KCNMA1: variants seen among roughly 807,000 people sequenced by gnomAD.
KCNMA1 encodes the protein Calcium-activated potassium channel subunit alpha-1.
Under a neutral mutation model 140.0 loss-of-function variants are expected in KCNMA1, and 29 were observed. The ratio of observed to expected loss-of-function variants is 0.21; its 90% CI spans 0.15 to 0.28. The LOEUF (loss-of-function observed/expected upper bound fraction) is 0.28, where lower values mean the gene tolerates loss of function less well. Ranked by LOEUF, KCNMA1 falls within the 10% of genes least tolerant of loss-of-function variation. KCNMA1 has a pLI of 1.00. For missense variants in KCNMA1, 880 were observed against 1,602.2 expected (o/e 0.55, Z 7.70); for synonymous variants, 612 against 611.9 (o/e 1.00, Z 0.00).
chr10:77,523,203 G>GC (rs10623337), intron 1 of KCNMA1, among the ~76,000 whole-genome samples: 26,763 of 142,350 alleles, frequency 0.19, 3,713 homozygotes, highest in African/African-American at 0.39. Flanking sequence ...CCTTGGACGT[G>GC]CCCCCCCCCC....
At chr10:76,959,323 C>G (rs1212724481) in intron 20 of KCNMA1, among the ~76,000 whole-genome samples, 1 of 152,198 alleles carries the variant, frequency 6.6e-6, no homozygotes, top group Non-Finnish European at 1.5e-5. Context: ...GGCAGGAAAC[C>G]ACCTATTTCC....
At chr10:77,500,398 A>G (rs1219600932) in intron 1 of KCNMA1, among the ~76,000 whole-genome samples, 1 of 152,170 alleles carries the variant, frequency 6.6e-6, no homozygotes, top group Non-Finnish European at 1.5e-5. Context: ...CTGTAATCCC[A>G]CTGCTTTGGG....
chr10:77,038,515 G>A lies in KCNMA1; in HGVS notation c.1859+1013C>T, dbSNP rs546602711. Among the ~76,000 whole-genome samples the A allele has an allele frequency of 1.0e-3, 155 of 152,178 alleles. 4 individuals carry two copies. In the South Asian group the frequency reaches 0.03, roughly 30 times the overall value. Reference sequence around the variant, plus strand: ...TGTTTTCAGAGGGCACAAAGACCCCGTTCATCTTAAACTCAACATCTGAGA... The same window carrying A: ...TGTTTTCAGAGGGCACAAAGACCCCATTCATCTTAAACTCAACATCTGAGA... On this transcript the variant is annotated intron_variant, in intron 15 of 27. Transcript: ENST00000286628.
At chr10:77,251,466 G>A (rs1164504976) in intron 2 of KCNMA1, among the ~76,000 whole-genome samples, 2 of 152,122 alleles carry the variant, frequency 1.3e-5, no homozygotes, top group Non-Finnish European at 2.9e-5. Context: ...CTTGCCAATA[G>A]GGGTCAGGGT....
chr10:77,459,819 G>A (rs982394961), intron 1 of KCNMA1, among the ~76,000 whole-genome samples: 7 of 152,178 alleles, frequency 4.6e-5, no homozygotes, highest in African/African-American at 9.7e-5. Context: ...TCCTCACTGC[G>A]TGGCCTTAGG....
chr10:77,505,085 G>C (rs1305924508), intron 1 of KCNMA1, among the ~76,000 whole-genome samples: 1 of 152,150 alleles, frequency 6.6e-6, no homozygotes, highest in African/African-American at 2.4e-5. Context: ...GCTGGCGGCT[G>C]AGTCAGCAGC....
At chr10:76,925,800 A>G (rs772480489) in intron 23 of KCNMA1, among the ~76,000 whole-genome samples, 11 of 152,186 alleles carry the variant, frequency 7.2e-5, no homozygotes, top group Non-Finnish European at 2.9e-5. Context: ...CTCCAAAATC[A>G]CGAGCAAAGT....
chr10:77,033,430 C>T (rs906589549), intron 15 of KCNMA1, among the ~76,000 whole-genome samples: 1 of 151,632 alleles, frequency 6.6e-6, no homozygotes, highest in Non-Finnish European at 1.5e-5. Flanking sequence ...TTATTCTCTC[C>T]TTCTCTCTCT....
At chr10:77,525,216 C>G (rs1171288250) in intron 1 of KCNMA1, among the ~76,000 whole-genome samples, 1 of 152,094 alleles carries the variant, frequency 6.6e-6, no homozygotes, top group Non-Finnish European at 1.5e-5. Flanking sequence ...CAGTTGTGTT[C>G]TAGACACTGT....
chr10:77,303,116 G>T (rs1355696737), intron 2 of KCNMA1, among the ~76,000 whole-genome samples: 2 of 152,140 alleles, frequency 1.3e-5, no homozygotes, highest in Non-Finnish European at 2.9e-5. Flanking sequence ...TACCTACTCT[G>T]CTCTGAACAC....
chr10:77,596,823 T>C (rs1314671730), intron 1 of KCNMA1, among the ~76,000 whole-genome samples: 1 of 152,218 alleles, frequency 6.6e-6, no homozygotes, highest in African/African-American at 2.4e-5. Flanking sequence ...GCGAATGATA[T>C]TGTTCCCAGC....
intron 21 of KCNMA1, among the ~76,000 whole-genome samples, chr10:76,950,534 C>G (rs2065855769): frequency 6.6e-6 from 1 of 152,218 alleles, no homozygotes; most frequent in Non-Finnish European, 1.5e-5. Flanking sequence ...CTTTCTCTGC[C>G]TCTCCTTCTG....
intron 2 of KCNMA1, among the ~76,000 whole-genome samples, chr10:77,384,835 T>C (rs545437434): frequency 3.3e-5 from 5 of 152,358 alleles, no homozygotes; most frequent in Admixed American, 6.5e-5. Flanking sequence ...GATCTTCCCA[T>C]TCATTCATTC....
intron 3 of KCNMA1, among the ~76,000 whole-genome samples, chr10:77,186,146 G>T (rs544390351): frequency 6.6e-6 from 1 of 152,192 alleles, no homozygotes; most frequent in Non-Finnish European, 1.5e-5. Flanking sequence ...AGGAACTCGG[G>T]GCCCACTTAG....
At chr10:77,588,032 A>C (rs968073632) in intron 1 of KCNMA1, among the ~76,000 whole-genome samples, 4 of 152,250 alleles carry the variant, frequency 2.6e-5, no homozygotes, top group Non-Finnish European at 4.4e-5. Context: ...TTAGGAGCTT[A>C]TTAAAAGTCA....
rs2065353581 is a variant in KCNMA1 at position 76,949,333 on chromosome 10, C to T, written c.2518G>A (p.Gly840Ser). Residue 840 changes from glycine to serine, a missense_variant, in exon 22 of 28, where the codon GGC (glycine) becomes AGC (serine). Coordinates refer to ENST00000286628, the MANE Select transcript of KCNMA1 (RefSeq NM_001161352.2). The stretch of plus-strand genomic sequence containing the variant: ...CCAAAGATGCAGACCACGACATGGC[C>T]ACTCAGGACGGTCATGGCAGCTTCA... ...RSEAAMTVLS[G>S]HVVVCIFGDV... is the part of the protein sequence containing the mutation. The T allele has an allele frequency of 6.2e-6, 10 of 1,614,054 alleles. No homozygotes were observed. The highest frequency in any genetic ancestry group is 7.6e-6 in the Non-Finnish European group (9 of 1,180,004).
chr10:77,545,578 G>A (rs907192842), intron 1 of KCNMA1, among the ~76,000 whole-genome samples: 2 of 152,206 alleles, frequency 1.3e-5, no homozygotes, highest in Non-Finnish European at 2.9e-5. Context: ...CATCTCCTGT[G>A]CCAGGAGCCA....
At chr10:77,548,671 C>G (rs1004858488) in intron 1 of KCNMA1, among the ~76,000 whole-genome samples, 16 of 152,204 alleles carry the variant, frequency 1.1e-4, no homozygotes, top group Non-Finnish European at 1.9e-4. Flanking sequence ...ACTGAGGAGA[C>G]TCAGGGTCTT....
At chr10:76,969,595 G>C (rs545795259) in intron 20 of KCNMA1, among the ~76,000 whole-genome samples, 7 of 152,326 alleles carry the variant, frequency 4.6e-5, no homozygotes, top group African/African-American at 1.7e-4. Context: ...AGGGACTCCA[G>C]CAGAAAGAGA....
Sources: allele counts gnomAD v4.1 joint callset (sites outside exome capture counted in the v4.1 genomes callset), GRCh38; gene constraint gnomAD v4.1.1; transcripts MANE v1.5; gene names NCBI Gene and HGNC (gene_info 2026-07-23, HGNC 2026-07-21).